Variants in CHST15 observed in about 807,000 individuals in gnomAD.
CHST15 encodes the protein carbohydrate sulfotransferase 15, also known as B cell RAG associated protein (GALNAC4S-6ST).
A neutral mutation model predicts 53.6 loss-of-function variants in CHST15; 30 were observed. The observed-to-expected ratio is 0.56, with a 90% CI of 0.42 to 0.76. The LOEUF (loss-of-function observed/expected upper bound fraction) is 0.76. CHST15 is among the 30% of genes least tolerant of loss of function. The pLI, the probability that CHST15 is intolerant of heterozygous loss-of-function variation, is 0.00. For missense variants in CHST15, 627 were observed against 740.5 expected (o/e 0.85, Z 1.78); for synonymous variants, 296 against 289.8 (o/e 1.02, Z -0.22).
intron 1 of CHST15, among the ~76,000 whole-genome samples, chr10:124,060,498 G>A (rs747879125): frequency 6.9e-6 from 1 of 145,798 alleles, no homozygotes; most frequent in Non-Finnish European, 1.5e-5. Context: ...GGGGTGTGTG[G>A]AGGTGTGCCA....
rs1564867781 is a variant in CHST15 at position 124,034,598 on chromosome 10, C to CACCCCCTAACAGGGACCCTGGTTCT, written c.1190+3916_1190+3917insAGAACCAGGGTCCCTGTTAGGGGGT. Reference sequence around the variant, plus strand: ...CATCCCCTAACAGGGACCCTGGCTCCACCCCCTAACAGGGACCCTGGCTTC... The same window carrying CACCCCCTAACAGGGACCCTGGTTCT: ...CATCCCCTAACAGGGACCCTGGCTCCACCCCCTAACAGGGACCCTGGTTCTACCCCCTAACAGGGACCCTGGCTTC... On this transcript the variant is annotated intron_variant, in intron 5 of 7. Transcript: ENST00000435907. 6.5e-3 allele frequency among the ~76,000 whole-genome samples: 870 copies of CACCCCCTAACAGGGACCCTGGTTCT among 132,832 alleles called. 38 individuals carry two copies. The highest frequency in any genetic ancestry group is 0.025 in the African/African-American group (817 of 32,376). The allele number at this position is 132,832 out of a possible 152,430, so 87.1% of individuals were successfully genotyped here.
intron 6 of CHST15, chr10:124,020,721 T>G: frequency 9.9e-7 from 1 of 1,010,660 alleles, no homozygotes; most frequent in Non-Finnish European, 1.2e-6. Flanking sequence ...AGGTGCTGAA[T>G]TCACCAATAA....
intron 1 of CHST15, among the ~76,000 whole-genome samples, chr10:124,085,596 G>T (rs1949394414): frequency 6.6e-6 from 1 of 152,202 alleles, no homozygotes; most frequent in Non-Finnish European, 1.5e-5. Flanking sequence ...TGGCCACTAA[G>T]TGAGAGTCCA....
At chr10:124,083,154 A>G (rs1949307252) in intron 1 of CHST15, among the ~76,000 whole-genome samples, 1 of 152,044 alleles carries the variant, frequency 6.6e-6, no homozygotes, top group Admixed American at 6.6e-5. Context: ...CTGCTTTATG[A>G]TTTTTTTTAA....
intron 6 of CHST15, among the ~76,000 whole-genome samples, chr10:124,018,962 G>C (rs771893556): frequency 3.9e-5 from 6 of 152,188 alleles, no homozygotes; most frequent in Admixed American, 3.3e-4. Flanking sequence ...AACCCAGTCC[G>C]CGAGCACGTT....
intron 5 of CHST15, among the ~76,000 whole-genome samples, chr10:124,034,636 TACCCTGGCTCCACCCCTAACAGGG>T (rs1947360008): frequency 7.0e-5 from 6 of 85,716 alleles, no homozygotes; most frequent in African/African-American, 3.9e-4. Context: ...CCCTGATAGG[TACCCTGGCTCCACCCCTAACAGGG>T]ACCCCGGCTC....
intron 6 of CHST15, 66 bp from the exon 7 acceptor site, chr10:124,012,546 A>G (rs1402213543): frequency 9.1e-6 from 14 of 1,530,772 alleles, no homozygotes; most frequent in Non-Finnish European, 1.2e-5. Context: ...GCACTTTTCC[A>G]AAGTGGTATG....
At chr10:124,045,120 A>AAAAAC (rs1554911414) in intron 2 of CHST15, among the ~76,000 whole-genome samples, 1,705 of 62,236 alleles carry the variant, frequency 0.027, 48 homozygotes, top group East Asian at 0.046. Flanking sequence ...CACAAAAAAA[A>AAAAAC]AAAAAAAAAA....
Position 124,023,875 on chromosome 10 carries a change from C to T in CHST15, c.1191-2463G>A, listed in dbSNP as rs140599155. On this transcript the variant is annotated intron_variant, in intron 5 of 7. Coordinates refer to ENST00000435907, the MANE Select transcript of CHST15 (RefSeq NM_001270764.2). ...TTTTTTTTTTTGAAGCGGAGTTTCG[C>T]TTTTGTTGCCCAGGTTGGAGTGGAA... is the stretch of plus-strand genomic sequence containing the variant. Among the ~76,000 whole-genome samples, 829 of 150,150 alleles carry T rather than the reference C, an allele frequency of 5.5e-3. 1 individual carries two copies. Among genetic ancestry groups the T allele is most frequent in the Non-Finnish European group, 8.3e-3 (565 of 67,746 alleles).
chr10:124,010,360 T>A, intron 7 of CHST15, 21 bp from the exon 8 acceptor site: 2 of 1,543,602 alleles, frequency 1.3e-6, no homozygotes, highest in Non-Finnish European at 1.7e-6. Flanking sequence ...AGAAGACGAG[T>A]CCCGTAAGGC....
At position 124,012,352 on chromosome 10, in the gene CHST15, G is replaced by T. The variant is rs759525108; in HGVS notation, c.1476C>A (p.Val492=). 3.1e-6 allele frequency: 5 copies of T among 1,614,026 alleles called. No homozygotes were observed. Among genetic ancestry groups the T allele is most frequent in the Non-Finnish European group, 4.2e-6 (5 of 1,179,960 alleles). ...TCATACCTAGGTTCAGAAACTGGAA[G>T]ACCTTGTGCATGGTGTACTTGACGT... ...ASNVKYTMHK[V]FQFLNLGPLS... The change falls in exon 7 of 8, where the codon GTC becomes GTA. Residue 492 remains valine (V), a synonymous_variant. Transcript: ENST00000435907.
intron 7 of CHST15, 62 bp downstream of exon 7, chr10:124,012,271 C>T: frequency 1.3e-6 from 2 of 1,565,354 alleles, no homozygotes; most frequent in Non-Finnish European, 8.7e-7. Flanking sequence ...CCCCAGAGGA[C>T]TCCCAGAACA....
At chr10:124,063,345 T>C (rs1948652252) in intron 1 of CHST15, among the ~76,000 whole-genome samples, 1 of 152,000 alleles carries the variant, frequency 6.6e-6, no homozygotes, top group African/African-American at 2.4e-5. Context: ...ATCGCACCAC[T>C]GCACTCCAGC....
At chr10:124,079,365 C>G (rs1250014428) in intron 1 of CHST15, among the ~76,000 whole-genome samples, 1 of 152,216 alleles carries the variant, frequency 6.6e-6, no homozygotes, top group East Asian at 1.9e-4. Flanking sequence ...CGTTGAGGCC[C>G]TACTGTGTGT....
intron 5 of CHST15, among the ~76,000 whole-genome samples, chr10:124,038,027 G>A (rs772837836): frequency 6.6e-6 from 1 of 152,188 alleles, no homozygotes; most frequent in South Asian, 2.1e-4. Context: ...CAACTCAGTG[G>A]GGACAGCCTC....
chr10:124,012,393 C>T lies in CHST15; in HGVS notation c.1435G>A (p.Glu479Lys). 1 of 1,614,038 alleles carries T rather than the reference C, an allele frequency of 6.2e-7. No individual in the cohort carries two copies. The highest frequency in any genetic ancestry group is 8.5e-7 in the Non-Finnish European group (1 of 1,180,020). The change falls in exon 7 of 8, where the codon GAA becomes AAA. Residue 479 changes from glutamate to lysine, a missense_variant. This residue lies in a region of CHST15 where 279 missense variants were observed against 371.6 expected (regional missense o/e 0.75). Transcript: ENST00000435907. ...TACTTGACGTTGGATGCATGATCTT[C>T]CAGGCGAAGAATGAGAAACTGTTGC... ...DKQQFLILRL[E>K]DHASNVKYTM...
chr10:124,078,392 G>A (rs1481953636), intron 1 of CHST15, among the ~76,000 whole-genome samples: 1 of 152,222 alleles, frequency 6.6e-6, no homozygotes, highest in Non-Finnish European at 1.5e-5. Flanking sequence ...AAAGGTTGCT[G>A]AGTGTATGAA....
At chr10:124,092,407 C>G (rs965769404) in intron 1 of CHST15, 1 of 152,310 alleles carries the variant, frequency 6.6e-6, no homozygotes, top group Non-Finnish European at 1.5e-5. Flanking sequence ...GCCGGCAACT[C>G]CCGAGTCACG....
At chr10:124,085,365 C>G (rs1438460118) in intron 1 of CHST15, among the ~76,000 whole-genome samples, 1 of 152,100 alleles carries the variant, frequency 6.6e-6, no homozygotes, top group East Asian at 1.9e-4. Flanking sequence ...TCTCAAGACA[C>G]AAAAAACTGT....
Sources: allele counts gnomAD v4.1 joint callset (sites outside exome capture counted in the v4.1 genomes callset), GRCh38; gene constraint gnomAD v4.1.1; regional missense constraint gnomAD v4.1.1; transcripts MANE v1.5; gene names NCBI Gene and HGNC (gene_info 2026-07-23, HGNC 2026-07-21).